Variants in ARHGAP32 observed in about 807,000 individuals in gnomAD.
ARHGAP32 encodes the protein rho GTPase-activating protein 32.
A neutral mutation model predicts 186.5 loss-of-function variants in ARHGAP32; 51 were observed. The observed-to-expected ratio is 0.27, with a 90% CI of 0.22 to 0.35. ARHGAP32 has a LOEUF of 0.35. Among genes scored for constraint, ARHGAP32 ranks in the 10% least tolerant of loss-of-function variants. The pLI is 1.00. For synonymous variants in ARHGAP32, 950 were observed against 964.3 expected (o/e 0.99, Z 0.27); for missense variants, 2,186 against 2,623.5 (o/e 0.83, Z 3.64).
At chr11:129,213,595 A>G (rs1944609277) in intron 1 of ARHGAP32, among the ~76,000 whole-genome samples, 1 of 152,220 alleles carries the variant, frequency 6.6e-6, no homozygotes. Flanking sequence ...TTAATATTAT[A>G]TGATAATATT....
At chr11:129,195,574 G>A (rs1007788520), upstream of ARHGAP32, among the ~76,000 whole-genome samples, 8 of 152,042 alleles carry the variant, frequency 5.3e-5, no homozygotes, top group Non-Finnish European at 1.2e-4. Context: ...ATTTTTAGTA[G>A]AGAAGAGGTT....
At chr11:128,975,699 AT>A (rs1335164468) in intron 20 of ARHGAP32, among the ~76,000 whole-genome samples, 1 of 152,138 alleles carries the variant, frequency 6.6e-6, no homozygotes, top group Non-Finnish European at 1.5e-5. Context: ...TATTAGGATT[AT>A]TTTAATTGCC....
intron 1 of ARHGAP32, among the ~76,000 whole-genome samples, chr11:129,271,591 A>C (rs568618415): frequency 6.6e-6 from 1 of 152,292 alleles, no homozygotes; most frequent in Non-Finnish European, 1.5e-5. Flanking sequence ...GGGGGAAAAA[A>C]GTCAGTACTA....
In ARHGAP32 at chr11:129,146,482, T is replaced by C. The variant is rs140391501; in HGVS notation, c.225+17837A>G. Among the ~76,000 whole-genome samples the C allele has an allele frequency of 1.3e-3, 191 of 152,314 alleles. 1 individual carries two copies. The highest frequency in any genetic ancestry group is 4.5e-3 in the African/African-American group (187 of 41,594). ...AGGGTTCAGTACTCTCCGTGGTTTC[T>C]TTCTCTTCATAATTTTAATATCTTA... is the stretch of plus-strand genomic sequence containing the variant. On this transcript the variant is annotated intron_variant, in intron 2 of 22. Coordinates refer to ENST00000682385, the MANE Select transcript of ARHGAP32 (RefSeq NM_001378024.1).
At chr11:128,982,056 C>T in intron 15 of ARHGAP32, 120 bp from the exon 16 acceptor site, 2 of 567,826 alleles carry the variant, frequency 3.5e-6, no homozygotes, top group Non-Finnish European at 6.0e-6. Flanking sequence ...ACCATACAAA[C>T]CCAAGAGAAC....
intron 10 of ARHGAP32, among the ~76,000 whole-genome samples, chr11:129,045,366 T>C (rs1417543439): frequency 6.6e-6 from 1 of 152,182 alleles, no homozygotes; most frequent in Non-Finnish European, 1.5e-5. Flanking sequence ...TAGAAATCCA[T>C]CATCTTTTCC....
chr11:129,002,830 A>G, intron 11 of ARHGAP32, among the ~76,000 whole-genome samples: 1 of 70,768 alleles, frequency 1.4e-5, no homozygotes, highest in Non-Finnish European at 2.9e-5. Flanking sequence ...TTTTTTTGAG[A>G]CGGAGTCTCG....
chr11:129,091,222 C>G (rs139490511), intron 6 of ARHGAP32, among the ~76,000 whole-genome samples: 1 of 152,218 alleles, frequency 6.6e-6, no homozygotes, highest in Non-Finnish European at 1.5e-5. Context: ...AGTATCTGTT[C>G]TATTGCTTTG....
At chr11:129,240,805 T>C (rs1945006127) in intron 1 of ARHGAP32, among the ~76,000 whole-genome samples, 1 of 152,208 alleles carries the variant, frequency 6.6e-6, no homozygotes, top group Admixed American at 6.5e-5. Flanking sequence ...CTTTTCTATC[T>C]TTAATATGGT....
At chr11:129,247,741 G>T (rs975335923) in intron 1 of ARHGAP32, among the ~76,000 whole-genome samples, 1 of 152,012 alleles carries the variant, frequency 6.6e-6, no homozygotes, top group African/African-American at 2.4e-5. Context: ...AAAAACTCTT[G>T]TAATAGCAAA....
chr11:128,976,102 T>TATATATATATATATATATATA (rs1565351052), intron 20 of ARHGAP32, among the ~76,000 whole-genome samples: 1 of 146,326 alleles, frequency 6.8e-6, no homozygotes, highest in African/African-American at 2.5e-5. Flanking sequence ...TATATATATA[T>TATATATATATATATATATATA]TCACAAATGT....
At chr11:129,174,509 A>G (rs1943858814) in intron 1 of ARHGAP32, among the ~76,000 whole-genome samples, 1 of 152,226 alleles carries the variant, frequency 6.6e-6, no homozygotes, top group Non-Finnish European at 1.5e-5. Context: ...AAATAAAAAG[A>G]CAGCAGTAAC....
chr11:129,080,149 T>G (rs1000325694), intron 6 of ARHGAP32, among the ~76,000 whole-genome samples: 1 of 152,028 alleles, frequency 6.6e-6, no homozygotes, highest in East Asian at 1.9e-4. Flanking sequence ...AACACAGTAA[T>G]AGTGGGGGAC....
intron 5 of ARHGAP32, among the ~76,000 whole-genome samples, chr11:129,110,836 C>CT (rs1352071587): frequency 6.6e-6 from 1 of 152,152 alleles, no homozygotes; most frequent in Non-Finnish European, 1.5e-5. Context: ...TCTGTGAAGT[C>CT]TTTAAGGTTT....
intron 2 of ARHGAP32, among the ~76,000 whole-genome samples, chr11:129,157,326 C>T (rs1264495988): frequency 6.6e-6 from 1 of 151,958 alleles, no homozygotes; most frequent in Non-Finnish European, 1.5e-5. Flanking sequence ...AAGCTAAGAA[C>T]TTTGAAAAAA....
At chr11:129,010,458 T>C (rs1180694306) in intron 11 of ARHGAP32, among the ~76,000 whole-genome samples, 10 of 152,198 alleles carry the variant, frequency 6.6e-5, no homozygotes, top group Non-Finnish European at 1.5e-4. Context: ...CCATCTTGAA[T>C]TGATTTTTGT....
chr11:129,252,018 G>C (rs911058580), intron 1 of ARHGAP32, among the ~76,000 whole-genome samples: 1 of 150,916 alleles, frequency 6.6e-6, no homozygotes, highest in Admixed American at 6.6e-5. Flanking sequence ...TACAGAAAAA[G>C]TAAATAATAA....
intron 5 of ARHGAP32, among the ~76,000 whole-genome samples, chr11:129,094,356 C>T (rs973958216): frequency 6.6e-6 from 1 of 152,112 alleles, no homozygotes; most frequent in Non-Finnish European, 1.5e-5. Context: ...TATAAACCTA[C>T]TCTGTATCCA....
intron 1 of ARHGAP32, among the ~76,000 whole-genome samples, chr11:129,178,352 A>G (rs1379849955): frequency 1.1e-4 from 16 of 151,034 alleles, no homozygotes; most frequent in Middle Eastern, 3.4e-3. Flanking sequence ...AATATCGTGA[A>G]AATGGCCATA....
Sources: allele counts gnomAD v4.1 joint callset (sites outside exome capture counted in the v4.1 genomes callset), GRCh38; gene constraint gnomAD v4.1.1; transcripts MANE v1.5; gene names NCBI Gene and HGNC (gene_info 2026-07-23, HGNC 2026-07-21).